The following ARL15 variants were observed in gnomAD, a reference collection of about 807,000 sequenced individuals.
ARL15 encodes the protein ADP-ribosylation factor-like protein 15.
ARL15 carries 19 observed loss-of-function variants against 25.2 expected under a neutral mutation model. The observed-to-expected ratio is 0.75, with a 90% CI of 0.53 to 1.10. The LOEUF (loss-of-function observed/expected upper bound fraction) is 1.10, where lower values mean the gene tolerates loss of function less well. ARL15 is among the 50% of genes least tolerant of loss of function. The pLI is 0.00. For synonymous variants in ARL15, 94 were observed against 86.8 expected, an observed-to-expected ratio of 1.08 and a Z score of -0.46; for missense variants, 220 against 246.0, an observed-to-expected ratio of 0.89 and a Z score of 0.71.
intron 4 of ARL15, among the ~76,000 whole-genome samples, chr5:54,086,022 C>T (rs1006795174): frequency 1.3e-5 from 2 of 151,938 alleles, no homozygotes; most frequent in African/African-American, 4.8e-5. Flanking sequence ...TCAAGCAATT[C>T]TCCTGCCTCA....
intron 4 of ARL15, among the ~76,000 whole-genome samples, chr5:54,063,312 A>C (rs1436211457): frequency 6.6e-6 from 1 of 152,162 alleles, no homozygotes; most frequent in Non-Finnish European, 1.5e-5. Context: ...GTTGGTTTTC[A>C]CTGTGCTGCC....
rs927763037 is a variant in ARL15 at position 54,268,988 on chromosome 5, G to A, written c.48+41444C>T. Among the ~76,000 whole-genome samples, 10 of 151,366 alleles carry A rather than the reference G, an allele frequency of 6.6e-5. No homozygotes were observed. The East Asian group carries it at 9.8e-4, about 15-fold the overall frequency. ...TCGCAAGAACAAAAAACCAAACACC[G>A]CATATTCTCACTCATAGGTGGGAAT... On this transcript the variant is annotated intron_variant, in intron 1 of 4. Coordinates refer to ENST00000504924, the MANE Select transcript of ARL15 (RefSeq NM_019087.3).
At chr5:54,263,274 G>T (rs2112626864) in intron 1 of ARL15, among the ~76,000 whole-genome samples, 1 of 152,226 alleles carries the variant, frequency 6.6e-6, no homozygotes, top group East Asian at 1.9e-4. Context: ...TCTTGAACCT[G>T]TGCAGATAAA....
intron 1 of ARL15, among the ~76,000 whole-genome samples, chr5:54,297,289 T>G (rs1758491395): frequency 6.6e-6 from 1 of 152,158 alleles, no homozygotes; most frequent in Non-Finnish European, 1.5e-5. Context: ...TGGGATTGAG[T>G]CCTGCCAGCT....
chr5:54,116,179 G>T (rs1300293977), intron 3 of ARL15, among the ~76,000 whole-genome samples: 1 of 152,176 alleles, frequency 6.6e-6, no homozygotes, highest in Non-Finnish European at 1.5e-5. Flanking sequence ...GTTGGGGCAT[G>T]ATCTCATAAT....
chr5:53,946,364 T>G (rs1298385482), intron 4 of ARL15, among the ~76,000 whole-genome samples: 5 of 145,716 alleles, frequency 3.4e-5, no homozygotes, highest in Non-Finnish European at 7.4e-5. Context: ...GCAGGAGAAC[T>G]GCTTGTACTT....
chr5:53,974,056 T>A (rs531030446), intron 4 of ARL15, among the ~76,000 whole-genome samples: 41 of 152,050 alleles, frequency 2.7e-4, no homozygotes, highest in Non-Finnish European at 5.7e-4. Flanking sequence ...TCCACATAAA[T>A]AACATTGCAT....
intron 4 of ARL15, among the ~76,000 whole-genome samples, chr5:54,036,823 C>T (rs1020621701): frequency 6.6e-6 from 1 of 152,008 alleles, no homozygotes; most frequent in Non-Finnish European, 1.5e-5. Context: ...GTTTCCTATA[C>T]TGGATTATAT....
chr5:54,028,571 T>C (rs1749864715), intron 4 of ARL15, among the ~76,000 whole-genome samples: 2 of 151,852 alleles, frequency 1.3e-5, no homozygotes, highest in African/African-American at 4.8e-5. Context: ...TAGCAAAGTG[T>C]TAGTTTCCTT....
chr5:54,037,517 G>A (rs1750207049), intron 4 of ARL15, among the ~76,000 whole-genome samples: 2 of 151,968 alleles, frequency 1.3e-5, no homozygotes. Context: ...AACTAAAAAA[G>A]CAATAGCTAG....
At chr5:53,961,526 C>G (rs1747373265) in intron 4 of ARL15, among the ~76,000 whole-genome samples, 3 of 148,690 alleles carry the variant, frequency 2.0e-5, no homozygotes, top group African/African-American at 4.9e-5. Context: ...AAAAATCATT[C>G]CCATTGATTG....
intron 1 of ARL15, among the ~76,000 whole-genome samples, chr5:54,204,692 T>C (rs1041284519): frequency 6.6e-6 from 1 of 152,164 alleles, no homozygotes; most frequent in Non-Finnish European, 1.5e-5. Flanking sequence ...ATGAATAAGA[T>C]TTTAAAACGT....
intron 4 of ARL15, among the ~76,000 whole-genome samples, chr5:54,045,732 G>A (rs1750487544): frequency 6.6e-6 from 1 of 152,128 alleles, no homozygotes; most frequent in African/African-American, 2.4e-5. Context: ...AGCTTGCCAA[G>A]GTTGTAGGTT....
intron 1 of ARL15, among the ~76,000 whole-genome samples, chr5:54,206,732 G>A (rs1304887862): frequency 6.6e-6 from 1 of 152,172 alleles, no homozygotes; most frequent in African/African-American, 2.4e-5. Context: ...AATTGAAAAA[G>A]CTAGCATGGT....
At chr5:54,078,613 G>T (rs1403133483) in intron 4 of ARL15, among the ~76,000 whole-genome samples, 4 of 152,320 alleles carry the variant, frequency 2.6e-5, no homozygotes, top group African/African-American at 7.2e-5. Context: ...TAAGACAGGA[G>T]TATCCTCCAA....
chr5:54,072,363 G>A (rs569221078), intron 4 of ARL15, among the ~76,000 whole-genome samples: 2 of 152,246 alleles, frequency 1.3e-5, no homozygotes, highest in East Asian at 1.9e-4. Context: ...AATTGCAGCT[G>A]TGGATAAACA....
At chr5:54,117,285 G>A (rs1320899078) in intron 3 of ARL15, among the ~76,000 whole-genome samples, 1 of 151,648 alleles carries the variant, frequency 6.6e-6, no homozygotes, top group Non-Finnish European at 1.5e-5. Flanking sequence ...AATTCAACTT[G>A]TGCAGTCAAC....
intron 4 of ARL15, among the ~76,000 whole-genome samples, chr5:53,985,405 G>A (rs1287102655): frequency 3.3e-5 from 5 of 152,100 alleles, no homozygotes; most frequent in Admixed American, 6.5e-5. Context: ...ACCATCCATC[G>A]CCATTACTCT....
chr5:53,891,735 C>T (rs1001376800), intron 4 of ARL15, among the ~76,000 whole-genome samples: 1 of 152,104 alleles, frequency 6.6e-6, no homozygotes, highest in South Asian at 2.1e-4. Context: ...CTTAAGCCTG[C>T]GAGGTGGTTG....
Sources: gnomAD v4.1 joint callset for allele counts (sites outside exome capture counted in the v4.1 genomes callset) on GRCh38, gnomAD v4.1.1 for gene constraint, MANE v1.5 for transcripts, NCBI Gene and HGNC (gene_info 2026-07-23, HGNC 2026-07-21) for gene names.